The following NUCB1 variants were observed in gnomAD, a reference collection of about 807,000 sequenced individuals.
NUCB1 encodes nucleobindin 1, also known as nucleobindin-1.
Under a neutral mutation model 61.2 loss-of-function variants are expected in NUCB1, and 47 were observed. The ratio of observed to expected loss-of-function variants is 0.77; its 90% CI spans 0.61 to 0.98. The LOEUF is 0.98. Among genes scored for constraint, NUCB1 ranks in the 50% least tolerant of loss-of-function variants. The pLI is 0.00. For synonymous variants in NUCB1, 234 were observed against 243.1 expected (o/e 0.96, Z 0.35); for missense variants, 583 against 605.3 (o/e 0.96, Z 0.39).
intron 7 of NUCB1, among the ~76,000 whole-genome samples, chr19:48,917,664 T>C (rs1217584877): frequency 6.6e-6 from 1 of 152,146 alleles, no homozygotes; most frequent in African/African-American, 2.4e-5. Flanking sequence ...GCCTGGCTAA[T>C]TTTTGTATTT....
rs1437105293 is a variant in NUCB1, at chr19:48,919,079, T to G, written c.866T>G (p.Met289Arg). 1 of 1,613,880 alleles carries G rather than the reference T, an allele frequency of 6.2e-7. No individual in the cohort carries two copies. The highest frequency in any genetic ancestry group is 8.5e-7 in the Non-Finnish European group (1 of 1,179,952). The change falls in exon 9 of 13, where the codon ATG becomes AGG. Residue 289 changes from methionine (M) to arginine (R), a missense_variant. Coordinates refer to ENST00000405315, the MANE Select transcript of NUCB1 (RefSeq NM_006184.6). ...PKNEEDDMRE[M>R]EEERLRMREH... ...AATGAGGAGGACGACATGCGGGAGATGGAGGAGGAGCGACTGCGCATGCGG... is the reference window on the plus strand; with the variant it reads ...AATGAGGAGGACGACATGCGGGAGAGGGAGGAGGAGCGACTGCGCATGCGG...
chr19:48,920,334 TATTA>T (rs1040102980), intron 10 of NUCB1, among the ~76,000 whole-genome samples: 3 of 151,674 alleles, frequency 2.0e-5, no homozygotes, highest in African/African-American at 7.3e-5. Flanking sequence ...TTTATTTATT[TATTA>T]ATATTTTTTG....
chr19:48,919,414 C>G, intron 10 of NUCB1, 128 bp downstream of exon 10: 1 of 600,994 alleles, frequency 1.7e-6, no homozygotes, highest in South Asian at 2.1e-5. Context: ...CACTGCATCT[C>G]TATCTCTGGG....
At chr19:48,913,325 C>G (rs1044869195) in intron 6 of NUCB1, 129 bp downstream of exon 6, 1 of 1,214,148 alleles carries the variant, frequency 8.2e-7, no homozygotes, top group East Asian at 2.4e-5. Context: ...CTGTACCTGG[C>G]TGCCCCAGGG....
intron 4 of NUCB1, among the ~76,000 whole-genome samples, chr19:48,907,221 C>T (rs2037422159): frequency 6.6e-6 from 1 of 151,582 alleles, no homozygotes; most frequent in Admixed American, 6.6e-5. Flanking sequence ...GATCCGCCCA[C>T]CTCGGCCTCC....
In NUCB1 at chr19:48,919,017, C is replaced by T. The variant is rs1305414407; in HGVS notation, c.817-13C>T. 1.2e-5 allele frequency: 19 copies of T among 1,612,526 alleles called. No homozygotes were observed. The highest frequency in any genetic ancestry group is 1.5e-5 in the Non-Finnish European group (18 of 1,179,270). ...ACCTCTCAATGCTGTCTGCCTCTCG[C>T]TTGCTCCTGCAGCTGGAGAAAGTGT... On this transcript the variant is annotated splice_polypyrimidine_tract_variant and intron_variant, in intron 8 of 12. Transcript: ENST00000405315.
At position 48,900,617 on chromosome 19, in the gene NUCB1, C is replaced by T. The variant is rs3745696; in HGVS notation, c.-11-169C>T. 878 of 855,430 alleles carry T rather than the reference C, an allele frequency of 1.0e-3. 10 individuals are homozygous for T. In the East Asian group the frequency reaches 0.018, roughly 18 times the overall value. The allele number at this position is 855,430 out of a possible 1,614,324, so 53.0% of individuals were successfully genotyped here. ...GGTCTGAGGGCCCAGACTCCTGTGTCGGAGGAAGGGAAGGCCGGAGGCCTG... is the reference window on the plus strand; with the variant it reads ...GGTCTGAGGGCCCAGACTCCTGTGTTGGAGGAAGGGAAGGCCGGAGGCCTG... On this transcript the variant is annotated intron_variant, in intron 1 of 12. Transcript: ENST00000405315.
At chr19:48,920,641 A>C (rs1253822931) in intron 10 of NUCB1, among the ~76,000 whole-genome samples, 1 of 152,028 alleles carries the variant, frequency 6.6e-6, no homozygotes, top group Non-Finnish European at 1.5e-5. Context: ...CTCCTGCCTC[A>C]GCCTCCTGAG....
In NUCB1 at chr19:48,919,069, A is replaced by T; in HGVS notation, c.856A>T (p.Met286Leu). 1 of 1,614,166 alleles carries T rather than the reference A, an allele frequency of 6.2e-7. No homozygotes were observed. The highest frequency in any genetic ancestry group is 8.5e-7 in the Non-Finnish European group (1 of 1,180,030). ...CGACCCAAAGAATGAGGAGGACGAC[A>T]TGCGGGAGATGGAGGAGGAGCGACT... ...VYDPKNEEDD[M>L]REMEEERLRM... The change falls in exon 9 of 13, where the codon ATG becomes TTG. Residue 286 changes from methionine (M) to leucine (L), a missense_variant. By Grantham distance (15) the Met-to-Leu change is conservative. Transcript: ENST00000405315.
At position 48,921,221 on chromosome 19, in the gene NUCB1, G is replaced by A. The variant is rs770919085; in HGVS notation, c.1070G>A (p.Arg357Gln). The change falls in exon 11 of 13, where the codon CGG (arginine) becomes CAG (glutamine). Residue 357 changes from arginine (R) to glutamine (Q), a missense_variant. Arg to Gln is a conservative substitution (Grantham distance 43). Transcript: ENST00000405315. ...CGCTTTGAAGAGGAGCTGGCTGCCC[G>A]GGAGGCAGAGCTGAATGCCAAGGCC... ...LRRFEEELAA[R>Q]EAELNAKAQR... 3.7e-5 allele frequency: 60 copies of A among 1,613,190 alleles called. No homozygotes were observed. The highest frequency in any genetic ancestry group is 3.3e-4 in the Middle Eastern group (2 of 6,040).
intron 6 of NUCB1, 100 bp downstream of exon 6, chr19:48,913,296 GC>G (rs1321190040): frequency 1.1e-5 from 14 of 1,275,050 alleles, no homozygotes; most frequent in East Asian, 2.6e-5. Flanking sequence ...GGCCCTTGAG[GC>G]AAAAAAACTC....
intron 7 of NUCB1, among the ~76,000 whole-genome samples, chr19:48,914,190 G>A (rs913778678): frequency 1.3e-5 from 2 of 151,990 alleles, no homozygotes; most frequent in Admixed American, 6.6e-5. Context: ...TGGCCAGGCT[G>A]GTCTCGAACT....
At chr19:48,915,011 C>G (rs2037523472) in intron 7 of NUCB1, among the ~76,000 whole-genome samples, 1 of 151,964 alleles carries the variant, frequency 6.6e-6, no homozygotes, top group South Asian at 2.1e-4. Flanking sequence ...ACCCGGGAGG[C>G]AGAGTTTGCA....
At chr19:48,913,625 C>A in intron 7 of NUCB1, 61 bp downstream of exon 7, 1 of 1,372,862 alleles carries the variant, frequency 7.3e-7, no homozygotes, top group Non-Finnish European at 1.0e-6. Context: ...CTTCTAGGAC[C>A]TGAATGCTAA....
At chr19:48,909,467 G>A (rs1190680318) in intron 4 of NUCB1, among the ~76,000 whole-genome samples, 1 of 151,914 alleles carries the variant, frequency 6.6e-6, no homozygotes. Flanking sequence ...GGCTGGTTTC[G>A]AATTCCTGAC....
chr19:48,921,976 C>T, intron 12 of NUCB1, 44 bp downstream of exon 12: 4 of 1,472,874 alleles, frequency 2.7e-6, no homozygotes, highest in Non-Finnish European at 3.7e-6. Context: ...GGGCTGGACC[C>T]CTGGGTCTGA....
At position 48,918,940 on chromosome 19, in the gene NUCB1, G is replaced by C. The variant is rs142698061; in HGVS notation, c.817-90G>C. The C allele has an allele frequency of 1.4e-5, 19 of 1,392,546 alleles. No individual in the cohort carries two copies. The Admixed American group carries it at 1.5e-4, about 11-fold the overall frequency. The allele number at this position is 1,392,546 out of a possible 1,614,324, so 86.3% of individuals were successfully genotyped here. A position where few individuals can be genotyped will look rare whatever the true frequency, so the allele number is the denominator to read the frequency against. ...AAAAACGGCTCCCAGGAGTGGTAGC[G>C]TGCCCAAAGGACTGCTGGGAGTTGA... On this transcript the variant is annotated intron_variant, in intron 8 of 12. Coordinates refer to ENST00000405315, the MANE Select transcript of NUCB1 (RefSeq NM_006184.6).
At chr19:48,914,082 T>C (rs1040664544) in intron 7 of NUCB1, among the ~76,000 whole-genome samples, 2 of 151,654 alleles carry the variant, frequency 1.3e-5, no homozygotes, top group African/African-American at 4.8e-5. Flanking sequence ...TTCAAGTGAT[T>C]CTCCTGCCTC....
chr19:48,912,837 C>G (rs1181746225), intron 5 of NUCB1, among the ~76,000 whole-genome samples, 174 bp from the exon 6 acceptor site: 1 of 128,768 alleles, frequency 7.8e-6, no homozygotes. Context: ...GAGCAAGACT[C>G]CCTCTCAAAA....
Sources: gnomAD v4.1 joint callset for allele counts (sites outside exome capture counted in the v4.1 genomes callset) on GRCh38, gnomAD v4.1.1 for gene constraint, MANE v1.5 for transcripts, NCBI Gene and HGNC (gene_info 2026-07-23, HGNC 2026-07-21) for gene names.